DISC1: variants seen among roughly 807,000 people sequenced by gnomAD.
DISC1 encodes the protein DISC1 scaffold protein, also known as disrupted in schizophrenia 1 protein.
DISC1 carries 57 observed loss-of-function variants against 84.5 expected under a neutral mutation model. The ratio of observed to expected loss-of-function variants is 0.67; its 90% CI spans 0.55 to 0.84. The LOEUF is 0.84. Among genes scored for constraint, DISC1 ranks in the 40% least tolerant of loss-of-function variants. The pLI, the probability that DISC1 is intolerant of heterozygous loss-of-function variation, is 0.00. For missense variants in DISC1, 1,000 were observed against 1,057.8 expected (o/e 0.95, Z 0.76); for synonymous variants, 411 against 415.2 (o/e 0.99, Z 0.12).
At chr1:231,943,674 A>C (rs2091464777) in intron 9 of DISC1, 1 of 152,176 alleles carries the variant, frequency 6.6e-6, no homozygotes, top group Non-Finnish European at 1.5e-5. Context: ...AAAATACTGA[A>C]AATGAAAAAG....
At chr1:231,646,252 T>C (rs1412739478) in intron 1 of DISC1, among the ~76,000 whole-genome samples, 1 of 151,628 alleles carries the variant, frequency 6.6e-6, no homozygotes, top group East Asian at 2.0e-4. Context: ...GAACATGCGG[T>C]GTTTGATTTT....
At chr1:232,000,245 G>T (rs1404128803) in intron 10 of DISC1, among the ~76,000 whole-genome samples, 1 of 152,090 alleles carries the variant, frequency 6.6e-6, no homozygotes, top group African/African-American at 2.4e-5. Flanking sequence ...GGTCAGCAAA[G>T]ATATAGAAAT....
chr1:232,008,646 A>T, intron 10 of DISC1, 139 bp from the exon 11 acceptor site: 1 of 1,070,538 alleles, frequency 9.3e-7, no homozygotes. Context: ...CTTCTAGTTG[A>T]AATAATTTAT....
chr1:231,983,604 A>G (rs1572481049), intron 10 of DISC1, among the ~76,000 whole-genome samples: 1 of 29,124 alleles, frequency 3.4e-5, no homozygotes. Flanking sequence ...GCAGTAGGGG[A>G]GAGGGGGTTG....
intron 6 of DISC1, among the ~76,000 whole-genome samples, chr1:231,774,176 C>G (rs1469393859): frequency 6.6e-6 from 1 of 152,018 alleles, no homozygotes; most frequent in Non-Finnish European, 1.5e-5. Flanking sequence ...GTTGCTCAAG[C>G]CCTGGAGTTC....
chr1:231,695,298 C>A (rs1002729171), intron 2 of DISC1, among the ~76,000 whole-genome samples: 10 of 152,340 alleles, frequency 6.6e-5, no homozygotes, highest in East Asian at 1.9e-4. Flanking sequence ...GGTCATTGAA[C>A]CTCTTTGGCT....
rs147725415 is a variant in DISC1 at position 231,713,682 on chromosome 1, T to G, written c.1117+11658T>G. 3.6e-3 allele frequency among the ~76,000 whole-genome samples: 433 copies of G among 120,450 alleles called. 5 individuals are homozygous for G. The highest frequency in any genetic ancestry group is 5.6e-3 in the East Asian group (22 of 3,908). The allele number at this position is 120,450 out of a possible 152,430, so 79.0% of individuals were successfully genotyped here. Reference sequence around the variant, plus strand: ...GACCTCTAGGACATCATGAAGCAGATATATATATATATATATAGGAGATAT... The same window carrying G: ...GACCTCTAGGACATCATGAAGCAGAGATATATATATATATATAGGAGATAT... On this transcript the variant is annotated intron_variant, in intron 3 of 12. Coordinates refer to ENST00000439617, the MANE Select transcript of DISC1 (RefSeq NM_018662.3).
At position 231,694,628 on chromosome 1, in the gene DISC1, C is replaced by A; in HGVS notation, c.870C>A (p.Asp290Glu). Reference protein sequence around the residue: ...AARNSSRPERDMHSLPDMDPG... With the variant: ...AARNSSRPEREMHSLPDMDPG... ...GGAACAGCTCCAGGCCAGAGCGTGA[C>A]ATGCATTCTTTACCAGACATGGACC... The change falls in exon 2 of 13, where the codon GAC becomes GAA. Residue 290 changes from aspartate (D) to glutamate (E), a missense_variant. By Grantham distance (45) the Asp-to-Glu change is conservative. Coordinates refer to ENST00000439617, the MANE Select transcript of DISC1 (RefSeq NM_018662.3). The A allele has an allele frequency of 6.2e-7, 1 of 1,614,260 alleles. No homozygotes were observed. The highest frequency in any genetic ancestry group is 1.1e-5 in the South Asian group (1 of 91,088).
At chr1:231,761,229 C>T (rs796790468) in intron 4 of DISC1, among the ~76,000 whole-genome samples, 9 of 152,306 alleles carry the variant, frequency 5.9e-5, no homozygotes, top group African/African-American at 2.2e-4. Flanking sequence ...ACATTCTACC[C>T]TGCATGTTTT....
intron 1 of DISC1, among the ~76,000 whole-genome samples, chr1:231,650,956 C>T (rs1057258488): frequency 6.6e-6 from 1 of 152,102 alleles, no homozygotes; most frequent in African/African-American, 2.4e-5. Context: ...TCTAGTTAGC[C>T]ATTTGTCTAA....
chr1:231,867,478 T>C (rs1403593059), intron 9 of DISC1, among the ~76,000 whole-genome samples: 1 of 151,908 alleles, frequency 6.6e-6, no homozygotes, highest in Non-Finnish European at 1.5e-5. Flanking sequence ...AATAGTGAGG[T>C]ACCCAGGAGG....
chr1:231,913,243 C>T (rs1467662792), intron 9 of DISC1, among the ~76,000 whole-genome samples: 3 of 152,184 alleles, frequency 2.0e-5, no homozygotes, highest in African/African-American at 7.2e-5. Flanking sequence ...CCATCTTTGC[C>T]ATCTAGCTTG....
intron 6 of DISC1, among the ~76,000 whole-genome samples, chr1:231,794,718 G>T (rs2125607822): frequency 6.6e-6 from 1 of 151,774 alleles, no homozygotes; most frequent in Non-Finnish European, 1.5e-5. Flanking sequence ...AAGTGCTATG[G>T]AGAAAAGAGA....
intron 6 of DISC1, among the ~76,000 whole-genome samples, chr1:231,772,413 G>A (rs969585425): frequency 2.6e-5 from 4 of 152,150 alleles, no homozygotes; most frequent in Admixed American, 6.5e-5. Context: ...AGCAATGGTC[G>A]GCTTGGCCAC....
At chr1:231,750,151 G>T in intron 4 of DISC1, 75 bp downstream of exon 4, 1 of 1,553,976 alleles carries the variant, frequency 6.4e-7, no homozygotes, top group East Asian at 2.3e-5. Flanking sequence ...GTGAAGAGCT[G>T]GGAGGAGCTT....
intron 8 of DISC1, among the ~76,000 whole-genome samples, chr1:231,814,781 A>G (rs767340765): frequency 3.3e-5 from 5 of 152,174 alleles, no homozygotes; most frequent in Admixed American, 6.5e-5. Context: ...CAGTACGCAG[A>G]TGGTCCTAAA....
At chr1:231,710,872 G>T (rs2067731056) in intron 3 of DISC1, among the ~76,000 whole-genome samples, 1 of 152,132 alleles carries the variant, frequency 6.6e-6, no homozygotes, top group African/African-American at 2.4e-5. Context: ...TATGAATATT[G>T]CAGGGGGATA....
At chr1:231,765,519 T>C (rs994612064) in intron 4 of DISC1, among the ~76,000 whole-genome samples, 1 of 152,244 alleles carries the variant, frequency 6.6e-6, no homozygotes, top group Admixed American at 6.5e-5. Flanking sequence ...GTCGTTCGCC[T>C]ATTAGTTTTA....
At position 231,790,683 on chromosome 1, in the gene DISC1, T is replaced by C. The variant is rs1036649004; in HGVS notation, c.1635-4559T>C. Among the ~76,000 whole-genome samples, 3 of 152,062 alleles carry C rather than the reference T, an allele frequency of 2.0e-5. No homozygotes were observed. In the South Asian group the frequency reaches 6.2e-4, roughly 32 times the overall value. On this transcript the variant is annotated intron_variant, in intron 6 of 12. Coordinates refer to ENST00000439617, the MANE Select transcript of DISC1 (RefSeq NM_018662.3). ...ACAGGCGCCTGCCACCACGCTCGGC[T>C]AATTTTTTGTATTTTTAGTAGAGAC...
Sources: allele counts gnomAD v4.1 joint callset (sites outside exome capture counted in the v4.1 genomes callset), GRCh38; gene constraint gnomAD v4.1.1; transcripts MANE v1.5; gene names NCBI Gene and HGNC (gene_info 2026-07-23, HGNC 2026-07-21).